Variants in CRTC3 observed in about 807,000 individuals in gnomAD.
CRTC3 encodes the protein CREB-regulated transcription coactivator 3.
Under a neutral mutation model 74.5 loss-of-function variants are expected in CRTC3, and 26 were observed. The observed-to-expected ratio is 0.35, with a 90% CI of 0.26 to 0.48. The LOEUF (loss-of-function observed/expected upper bound fraction) is 0.48, where lower values mean the gene tolerates loss of function less well. Ranked by LOEUF, CRTC3 falls within the 20% of genes least tolerant of loss-of-function variation. CRTC3 has a pLI of 0.99. For missense variants in CRTC3, 760 were observed against 787.3 expected, an observed-to-expected ratio of 0.97 and a Z score of 0.41; for synonymous variants, 377 against 325.8, an observed-to-expected ratio of 1.16 and a Z score of -1.69.
chr15:90,638,848 G>A, intron 13 of CRTC3, 33 bp downstream of exon 13: 1 of 1,541,076 alleles, frequency 6.5e-7, no homozygotes, highest in Non-Finnish European at 9.0e-7. Context: ...TCCTCCCTTG[G>A]TGCATAAACT....
chr15:90,577,029 T>TTTTTG (rs113826739), intron 2 of CRTC3, among the ~76,000 whole-genome samples: 25,004 of 151,240 alleles, frequency 0.17, 3,370 homozygotes, highest in African/African-American at 0.37. Context: ...ATTTGTTTGT[T>TTTTTG]TTTTGTTTTG....
At chr15:90,618,205 T>TAA (rs1330343073) in intron 8 of CRTC3, 16 of 95,212 alleles carry the variant, frequency 1.7e-4, no homozygotes, top group Non-Finnish European at 1.6e-4. Context: ...ATTGACTTAT[T>TAA]TAAAAAAAAA....
At chr15:90,588,934 C>T (rs1176327960) in intron 2 of CRTC3, among the ~76,000 whole-genome samples, 2 of 152,156 alleles carry the variant, frequency 1.3e-5, no homozygotes, top group African/African-American at 4.8e-5. Context: ...TTATCATTTC[C>T]ACTTTTTAGA....
chr15:90,564,407 A>G (rs1216694399), intron 2 of CRTC3, among the ~76,000 whole-genome samples: 1 of 152,148 alleles, frequency 6.6e-6, no homozygotes, highest in Non-Finnish European at 1.5e-5. Flanking sequence ...CACAAGAAAA[A>G]AGTGTGCAAA....
intron 10 of CRTC3, 76 bp from the exon 11 acceptor site, chr15:90,629,156 GAC>G (rs1216264691): frequency 1.5e-6 from 2 of 1,366,398 alleles, no homozygotes; most frequent in Non-Finnish European, 2.0e-6. Flanking sequence ...TGTGACAGTA[GAC>G]AGTTTTCTTT....
intron 2 of CRTC3, among the ~76,000 whole-genome samples, chr15:90,570,338 G>A (rs1469471983): frequency 3.3e-5 from 5 of 152,092 alleles, no homozygotes; most frequent in African/African-American, 9.7e-5. Context: ...GCAGGGCTCG[G>A]AGATGGTCTA....
At chr15:90,599,872 A>G (rs1225637211) in intron 3 of CRTC3, among the ~76,000 whole-genome samples, 1 of 152,240 alleles carries the variant, frequency 6.6e-6, no homozygotes, top group African/African-American at 2.4e-5. Context: ...GTAAACTTCT[A>G]CTTCCTGAAA....
chr15:90,639,064 G>C (rs145803416), intron 13 of CRTC3, among the ~76,000 whole-genome samples: 1 of 152,216 alleles, frequency 6.6e-6, no homozygotes, highest in East Asian at 1.9e-4. Flanking sequence ...TGACACTCTC[G>C]TTGTAGAACT....
At chr15:90,562,792 A>AG (rs1196355406) in intron 2 of CRTC3, among the ~76,000 whole-genome samples, 3 of 152,082 alleles carry the variant, frequency 2.0e-5, no homozygotes, top group Non-Finnish European at 4.4e-5. Flanking sequence ...GGGAGGCAAC[A>AG]GCCTGGATGG....
At chr15:90,624,253 C>G (rs1320202115) in intron 9 of CRTC3, among the ~76,000 whole-genome samples, 1 of 152,062 alleles carries the variant, frequency 6.6e-6, no homozygotes, top group African/African-American at 2.4e-5. Flanking sequence ...CCTCACTGCT[C>G]TTTTCCTATA....
chr15:90,592,978 C>T (rs1967836728), intron 2 of CRTC3, among the ~76,000 whole-genome samples: 1 of 152,116 alleles, frequency 6.6e-6, no homozygotes, highest in Non-Finnish European at 1.5e-5. Flanking sequence ...CATGGTGCAA[C>T]CCCGTCTCTA....
At chr15:90,551,387 A>C (rs1432253661) in intron 2 of CRTC3, among the ~76,000 whole-genome samples, 1 of 151,972 alleles carries the variant, frequency 6.6e-6, no homozygotes, top group Non-Finnish European at 1.5e-5. Flanking sequence ...TATGTTAGTC[A>C]CTAGTCATTT....
At chr15:90,566,965 C>T (rs1967137636) in intron 2 of CRTC3, among the ~76,000 whole-genome samples, 1 of 152,048 alleles carries the variant, frequency 6.6e-6, no homozygotes, top group Non-Finnish European at 1.5e-5. Context: ...CCCTTCTTGG[C>T]CTCCTGAAGT....
At chr15:90,567,581 G>A (rs890607380) in intron 2 of CRTC3, among the ~76,000 whole-genome samples, 5 of 151,924 alleles carry the variant, frequency 3.3e-5, no homozygotes, top group South Asian at 2.1e-4. Flanking sequence ...CCAGCTACTC[G>A]GGAAGCTGAG....
chr15:90,535,430 A>G (rs182752893), intron 1 of CRTC3, among the ~76,000 whole-genome samples: 1 of 152,130 alleles, frequency 6.6e-6, no homozygotes, highest in African/African-American at 2.4e-5. Context: ...GTCATCAGTA[A>G]CCTCGGTGAG....
intron 2 of CRTC3, among the ~76,000 whole-genome samples, chr15:90,567,731 G>A (rs1486474326): frequency 1.0e-4 from 8 of 77,838 alleles, no homozygotes; most frequent in African/African-American, 2.2e-4. Context: ...ATCACTCCTC[G>A]TTGACAGTGC....
intron 6 of CRTC3, among the ~76,000 whole-genome samples, chr15:90,608,405 G>A (rs1292405959): frequency 6.6e-6 from 1 of 152,058 alleles, no homozygotes; most frequent in Non-Finnish European, 1.5e-5. Flanking sequence ...GTAGCCATGC[G>A]AACCACTTTG....
chr15:90,634,310 C>T (rs1969154620), intron 11 of CRTC3, among the ~76,000 whole-genome samples: 1 of 152,064 alleles, frequency 6.6e-6, no homozygotes, highest in Non-Finnish European at 1.5e-5. Flanking sequence ...GACGGGATTT[C>T]ACCATGTTGG....
At chr15:90,553,702 A>C (rs1442798395) in intron 2 of CRTC3, among the ~76,000 whole-genome samples, 1 of 152,192 alleles carries the variant, frequency 6.6e-6, no homozygotes, top group Admixed American at 6.5e-5. Flanking sequence ...TCAATTGTTC[A>C]TGCAGTGGAG....
Sources: gnomAD v4.1 joint callset for allele counts (sites outside exome capture counted in the v4.1 genomes callset) on GRCh38, gnomAD v4.1.1 for gene constraint, MANE v1.5 for transcripts, NCBI Gene and HGNC (gene_info 2026-07-23, HGNC 2026-07-21) for gene names.